Variants in MYRIP observed in about 807,000 individuals in gnomAD.
MYRIP encodes myosin VIIA and Rab interacting protein.
MYRIP carries 49 observed loss-of-function variants against 98.0 expected under a neutral mutation model. The observed-to-expected ratio is 0.50, with a 90% CI of 0.40 to 0.63. The LOEUF is 0.63. MYRIP is among the 30% of genes least tolerant of loss of function. The pLI is 0.00. For missense variants in MYRIP, 1,004 were observed against 1,058.2 expected (o/e 0.95, Z 0.71); for synonymous variants, 404 against 409.5 (o/e 0.99, Z 0.16).
chr3:40,081,364 T>C lies in MYRIP; in HGVS notation c.332+37093T>C, dbSNP rs116517311. Among the ~76,000 whole-genome samples the C allele has an allele frequency of 2.3e-3, 346 of 152,342 alleles. 3 individuals are homozygous for C. Among genetic ancestry groups the C allele is most frequent in the African/African-American group, 7.9e-3 (329 of 41,586 alleles). On this transcript the variant is annotated intron_variant, in intron 3 of 16. Coordinates refer to ENST00000302541, the MANE Select transcript of MYRIP (RefSeq NM_015460.4). ...ATCTACCCTAACAATAATTTGTCTC[T>C]TTCCTTTTGCAATTGTCTGTTTATG...
intron 16 of MYRIP, among the ~76,000 whole-genome samples, chr3:40,254,556 G>GAAAC (rs1953509420): frequency 6.6e-6 from 1 of 152,118 alleles, no homozygotes; most frequent in African/African-American, 2.4e-5. Context: ...AATTTTAACA[G>GAAAC]AAACACCTTA....
intron 3 of MYRIP, among the ~76,000 whole-genome samples, chr3:40,105,997 C>G (rs945626175): frequency 6.6e-6 from 1 of 151,550 alleles, no homozygotes; most frequent in African/African-American, 2.4e-5. Context: ...TGGTACTAAA[C>G]CATTTATGAG....
chr3:39,877,871 A>C (rs1413811833), intron 1 of MYRIP, among the ~76,000 whole-genome samples: 2 of 152,208 alleles, frequency 1.3e-5, no homozygotes, highest in Non-Finnish European at 2.9e-5. Flanking sequence ...TGCTCTCTTC[A>C]AAGCTGTCAG....
chr3:39,911,840 C>T (rs1339357317), intron 2 of MYRIP, among the ~76,000 whole-genome samples: 2 of 152,176 alleles, frequency 1.3e-5, no homozygotes, highest in Non-Finnish European at 2.9e-5. Context: ...AGTTTCCTGC[C>T]TCAGGGTTAA....
At chr3:39,863,292 C>T (rs61592403) in intron 1 of MYRIP, among the ~76,000 whole-genome samples, 2,458 of 151,588 alleles carry the variant, frequency 0.016, 62 homozygotes, top group African/African-American at 0.056. Context: ...GAAGACAAGA[C>T]GTTAACAAAA....
intron 2 of MYRIP, among the ~76,000 whole-genome samples, chr3:39,961,800 C>T (rs559782769): frequency 6.6e-6 from 1 of 152,250 alleles, no homozygotes; most frequent in South Asian, 2.1e-4. Flanking sequence ...ATATCTGCTT[C>T]TCATTATAGC....
intron 2 of MYRIP, among the ~76,000 whole-genome samples, chr3:39,963,636 A>T (rs542347790): frequency 1.0e-3 from 152 of 152,278 alleles, no homozygotes; most frequent in Non-Finnish European, 1.7e-3. Flanking sequence ...TCACAGTAAA[A>T]ACATAAAGCT....
chr3:40,021,531 G>A (rs545629680), intron 2 of MYRIP, among the ~76,000 whole-genome samples: 1 of 152,278 alleles, frequency 6.6e-6, no homozygotes, highest in Non-Finnish European at 1.5e-5. Flanking sequence ...AATGAAGTCT[G>A]GAACATTTCT....
At chr3:40,128,778 C>T (rs1025329447) in intron 3 of MYRIP, among the ~76,000 whole-genome samples, 1 of 152,196 alleles carries the variant, frequency 6.6e-6, no homozygotes, top group Non-Finnish European at 1.5e-5. Flanking sequence ...CTTCATTTTT[C>T]ATAAATCATC....
chr3:40,022,611 G>A (rs867404253), intron 2 of MYRIP, among the ~76,000 whole-genome samples: 3 of 152,148 alleles, frequency 2.0e-5, no homozygotes, highest in Admixed American at 1.3e-4. Flanking sequence ...AGGCAGCTTG[G>A]AATGCTCGTG....
In MYRIP at chr3:39,967,980, A is replaced by G. The variant is rs560543186; in HGVS notation, c.110+67054A>G. 3.7e-4 allele frequency among the ~76,000 whole-genome samples: 57 copies of G among 152,288 alleles called. No individual in the cohort carries two copies. The Middle Eastern group carries it at 0.01, about 27-fold the overall frequency. ...AAGTTTTTTATATATTCTGGATATT[A>G]GACGTCTGTCAGATGCATAGTTTGT... On this transcript the variant is annotated intron_variant, in intron 2 of 16. Transcript: ENST00000302541.
chr3:40,000,034 G>A (rs956915665), intron 2 of MYRIP, among the ~76,000 whole-genome samples: 2 of 117,606 alleles, frequency 1.7e-5, no homozygotes, highest in Non-Finnish European at 3.3e-5. Flanking sequence ...TGTGGGAGGA[G>A]GGGAGGGGGG....
intron 3 of MYRIP, among the ~76,000 whole-genome samples, chr3:40,111,728 C>A (rs531119211): frequency 6.6e-6 from 1 of 151,898 alleles, no homozygotes; most frequent in African/African-American, 2.4e-5. Flanking sequence ...TTGGAGATCC[C>A]TGTAGATTTC....
chr3:40,200,133 T>TTTTTTTTTTTTTTGAGA (rs1951514243), intron 10 of MYRIP, among the ~76,000 whole-genome samples: 1 of 148,424 alleles, frequency 6.7e-6, no homozygotes, highest in Non-Finnish European at 1.5e-5. Context: ...TTTCTTTTTA[T>TTTTTTTTTTTTTTGAGA]CATAGGCCCT....
At chr3:39,853,400 A>T (rs1942197101) in intron 1 of MYRIP, among the ~76,000 whole-genome samples, 1 of 152,188 alleles carries the variant, frequency 6.6e-6, no homozygotes, top group South Asian at 2.1e-4. Context: ...CCTTTTCACC[A>T]CATCCATGCC....
intron 1 of MYRIP, among the ~76,000 whole-genome samples, chr3:39,863,581 C>T (rs745946357): frequency 2.6e-5 from 4 of 152,142 alleles, no homozygotes; most frequent in Non-Finnish European, 4.4e-5. Flanking sequence ...GGATAAATTT[C>T]TGCAAATGTA....
At chr3:40,239,564 C>A (rs537671701) in intron 12 of MYRIP, among the ~76,000 whole-genome samples, 3 of 139,630 alleles carry the variant, frequency 2.1e-5, no homozygotes, top group Admixed American at 2.1e-4. Flanking sequence ...TCCTCTCCAG[C>A]ACCTGTTGTT....
At chr3:40,160,870 G>T (rs997834890) in intron 4 of MYRIP, among the ~76,000 whole-genome samples, 21 of 152,126 alleles carry the variant, frequency 1.4e-4, no homozygotes, top group African/African-American at 5.1e-4. Context: ...TTCGCACACG[G>T]TGCGCACACC....
chr3:40,190,872 A>T (rs1234352553), intron 10 of MYRIP, among the ~76,000 whole-genome samples: 1 of 152,188 alleles, frequency 6.6e-6, no homozygotes, highest in Non-Finnish European at 1.5e-5. Context: ...CTAGAGTCAG[A>T]CTGCCTGGGT....
Sources: gnomAD v4.1 joint callset for allele counts (sites outside exome capture counted in the v4.1 genomes callset) on GRCh38, gnomAD v4.1.1 for gene constraint, MANE v1.5 for transcripts, NCBI Gene and HGNC (gene_info 2026-07-23, HGNC 2026-07-21) for gene names.